Variants in NAT1 observed in about 807,000 individuals in gnomAD.
NAT1 encodes the protein arylamine N-acetyltransferase 1.
For missense variants in NAT1, 400 were observed against 339.2 expected (o/e 1.18, Z -1.41); for synonymous variants, 144 against 122.6 (o/e 1.17, Z -1.16).
upstream of NAT1, among the ~76,000 whole-genome samples, chr8:18,205,952 T>G (rs1210500927): frequency 6.6e-6 from 1 of 152,110 alleles, no homozygotes; most frequent in Non-Finnish European, 1.5e-5. Context: ...GACTGACAGT[T>G]CTCCAAGGGC....
chr8:18,208,657 C>T (rs190671361), upstream of NAT1, among the ~76,000 whole-genome samples: 18 of 152,324 alleles, frequency 1.2e-4, no homozygotes, highest in African/African-American at 3.8e-4. Flanking sequence ...AAGACAGAGT[C>T]TACCTCCTTA....
intron 2 of NAT1, among the ~76,000 whole-genome samples, chr8:18,175,009 T>G (rs1406437808): frequency 2.6e-5 from 4 of 152,070 alleles, no homozygotes; most frequent in African/African-American, 9.7e-5. Context: ...CTGGTTTTAT[T>G]AAGTTCAATA....
In NAT1 at chr8:18,223,215, T is replaced by G. The variant is rs558574620; in HGVS notation, c.*295T>G. 1 of 170,444 alleles carries G rather than the reference T, an allele frequency of 5.9e-6. No homozygotes were observed. Among genetic ancestry groups the G allele is most frequent in the Non-Finnish European group, 1.4e-5 (1 of 70,538 alleles). The allele number at this position is 170,444 out of a possible 1,614,324, so 10.6% of individuals were successfully genotyped here. A position where few individuals can be genotyped will look rare whatever the true frequency, so the allele number is the denominator to read the frequency against. ...GAAAGCTTTTAATGTTGGTTTATTG[T>G]TGAATTCCTAGAAAAGTTTTATTGG... On this transcript the variant is annotated 3_prime_UTR_variant, in exon 3 of 3. Coordinates refer to ENST00000307719, the MANE Select transcript of NAT1 (RefSeq NM_000662.8).
intron 1 of NAT1, among the ~76,000 whole-genome samples, chr8:18,213,672 G>C (rs962742334): frequency 1.8e-4 from 28 of 152,148 alleles, no homozygotes; most frequent in Admixed American, 1.7e-3. Flanking sequence ...CCTGGCTCAT[G>C]AATTGCTATC....
intron 2 of NAT1, among the ~76,000 whole-genome samples, chr8:18,199,609 T>C (rs781156967): frequency 1.3e-5 from 2 of 152,188 alleles, no homozygotes; most frequent in South Asian, 2.1e-4. Flanking sequence ...CTCTCTTGAA[T>C]TGAGTTCCCT....
At chr8:18,205,785 T>G (rs186371379), upstream of NAT1, among the ~76,000 whole-genome samples, 19 of 152,000 alleles carry the variant, frequency 1.3e-4, no homozygotes, top group Admixed American at 1.2e-3. Flanking sequence ...TCCTCGCAGG[T>G]TAGGTATAGT....
chr8:18,220,595 A>C lies in NAT1; in HGVS notation c.-7+1106A>C, dbSNP rs139663185. Among the ~76,000 whole-genome samples the C allele has an allele frequency of 3.6e-3, 548 of 152,352 alleles. 3 individuals carry two copies. Among genetic ancestry groups the C allele is most frequent in the African/African-American group, 0.013 (520 of 41,578 alleles). Reference sequence around the variant, plus strand: ...TGGTTCACATTACCTGAAAGTTAAAAGATAGCTTTCGGCTTCATTCAGGTC... The same window carrying C: ...TGGTTCACATTACCTGAAAGTTAAACGATAGCTTTCGGCTTCATTCAGGTC... On this transcript the variant is annotated intron_variant, in intron 2 of 2. Transcript: ENST00000307719.
chr8:18,172,679 C>T (rs1190011940), intron 2 of NAT1, among the ~76,000 whole-genome samples: 1 of 152,148 alleles, frequency 6.6e-6, no homozygotes, highest in East Asian at 1.9e-4. Flanking sequence ...GGATAAACAT[C>T]TTAATTCTGT....
Position 18,222,760 on chromosome 8 carries a change from C to A in NAT1, c.713C>A (p.Thr238Asn). 1.2e-6 allele frequency: 2 copies of A among 1,613,752 alleles called. No individual in the cohort carries two copies. The highest frequency in any genetic ancestry group is 1.7e-6 in the Non-Finnish European group (2 of 1,179,910). Residue 238 changes from threonine (T) to asparagine (N), a missense_variant, in exon 3 of 3, where the codon ACC becomes AAC. Transcript: ENST00000307719. ...PDGVHCLVGFTLTHRRFNYKD... is the reference protein window; with the variant it reads ...PDGVHCLVGFNLTHRRFNYKD... ...GGGGTTCACTGTTTGGTGGGCTTCA[C>A]CCTCACCCATAGGAGATTCAATTAT...
At chr8:18,202,323 T>C (rs908542640) in intron 2 of NAT1, among the ~76,000 whole-genome samples, 3 of 152,158 alleles carry the variant, frequency 2.0e-5, no homozygotes, top group Non-Finnish European at 2.9e-5. Flanking sequence ...ACAATTATTT[T>C]GGGGAACTGA....
chr8:18,183,704 T>C (rs2117229208), intron 2 of NAT1, among the ~76,000 whole-genome samples: 1 of 152,254 alleles, frequency 6.6e-6, no homozygotes, highest in Non-Finnish European at 1.5e-5. Context: ...AATCAAACTA[T>C]TTATTTATAT....
At chr8:18,220,693 C>T (rs1349210702) in intron 2 of NAT1, among the ~76,000 whole-genome samples, 2 of 152,118 alleles carry the variant, frequency 1.3e-5, no homozygotes, top group African/African-American at 4.8e-5. Context: ...TGTTGTTCTT[C>T]AGTAGGTTCT....
At chr8:18,219,839 A>G (rs1490479118) in intron 2 of NAT1, among the ~76,000 whole-genome samples, 1 of 152,228 alleles carries the variant, frequency 6.6e-6, no homozygotes, top group African/African-American at 2.4e-5. Flanking sequence ...ATTCCAAATC[A>G]ACACTTTATC....
Position 18,222,165 on chromosome 8 carries a change from C to G in NAT1, c.118C>G (p.Leu40Val). ...GATCCGAGCTGTTCCCTTTGAGAACCTTAACATCCATTGTGGGGATGCCAT... is the reference window on the plus strand; with the variant it reads ...GATCCGAGCTGTTCCCTTTGAGAACGTTAACATCCATTGTGGGGATGCCAT... ...HQIRAVPFENLNIHCGDAMDL... is the reference protein window; with the variant it reads ...HQIRAVPFENVNIHCGDAMDL... Residue 40 changes from leucine to valine, a missense_variant, in exon 3 of 3, where the codon CTT becomes GTT. Coordinates refer to ENST00000307719, the MANE Select transcript of NAT1 (RefSeq NM_000662.8). 6.2e-7 allele frequency: 1 copy of G among 1,614,094 alleles called. No homozygotes were observed.
intron 2 of NAT1, among the ~76,000 whole-genome samples, chr8:18,204,163 T>TCTCTCTCTC (rs1563177737): frequency 1.0e-4 from 15 of 148,722 alleles, no homozygotes; most frequent in African/African-American, 3.7e-4. Context: ...TTGGATGTCT[T>TCTCTCTCTC]TCTCTCTCTC....
intron 2 of NAT1, among the ~76,000 whole-genome samples, chr8:18,189,363 G>C (rs1172912026): frequency 6.6e-6 from 1 of 152,038 alleles, no homozygotes; most frequent in East Asian, 1.9e-4. Flanking sequence ...CAAGGTAGCA[G>C]GTATCAGCAC....
At chr8:18,199,872 T>A (rs2117287775) in intron 2 of NAT1, among the ~76,000 whole-genome samples, 1 of 152,282 alleles carries the variant, frequency 6.6e-6, no homozygotes, top group African/African-American at 2.4e-5. Flanking sequence ...AACAGACACT[T>A]TTCAAAAGAA....
chr8:18,208,889 C>T (rs2117319509), upstream of NAT1, among the ~76,000 whole-genome samples: 1 of 152,312 alleles, frequency 6.6e-6, no homozygotes, highest in East Asian at 1.9e-4. Context: ...ACTAAAGTGG[C>T]CTTCCGCCAG....
rs1215200049 is a variant in NAT1, at chr8:18,223,526, C to T, written c.*606C>T. On this transcript the variant is annotated 3_prime_UTR_variant, in exon 3 of 3. Coordinates refer to ENST00000307719, the MANE Select transcript of NAT1 (RefSeq NM_000662.8). Reference sequence around the variant, plus strand: ...CGAATTACTTTTTAGATCTGTAGCTCTGACTCCTCAGGCATAAAATGGGAA... The same window carrying T: ...CGAATTACTTTTTAGATCTGTAGCTTTGACTCCTCAGGCATAAAATGGGAA... The T allele has an allele frequency of 6.0e-6, 1 of 166,978 alleles. No homozygotes were observed. The highest frequency in any genetic ancestry group is 2.4e-5 in the African/African-American group (1 of 41,406). The allele number at this position is 166,978 out of a possible 1,614,324, so 10.3% of individuals were successfully genotyped here.
Sources: allele counts gnomAD v4.1 joint callset (sites outside exome capture counted in the v4.1 genomes callset), GRCh38; gene constraint gnomAD v4.1.1; transcripts MANE v1.5; gene names NCBI Gene and HGNC (gene_info 2026-07-23, HGNC 2026-07-21).